The following MYO1D variants were observed in gnomAD, a reference collection of about 807,000 sequenced individuals.
MYO1D encodes the protein myosin ID.
Under a neutral mutation model 122.0 loss-of-function variants are expected in MYO1D, and 83 were observed. That is an observed-to-expected ratio of 0.68 (90% CI 0.57 to 0.82). The LOEUF (loss-of-function observed/expected upper bound fraction) is 0.82. Among genes scored for constraint, MYO1D ranks in the 40% least tolerant of loss-of-function variants. MYO1D has a pLI of 0.00. For synonymous variants in MYO1D, 464 were observed against 446.9 expected, an observed-to-expected ratio of 1.04 and a Z score of -0.48; for missense variants, 1,157 against 1,269.5, an observed-to-expected ratio of 0.91 and a Z score of 1.35.
At chr17:32,547,704 T>G (rs767757692) in intron 21 of MYO1D, among the ~76,000 whole-genome samples, 1 of 152,216 alleles carries the variant, frequency 6.6e-6, no homozygotes, top group Non-Finnish European at 1.5e-5. Context: ...CCTAGCACTT[T>G]GGGAGGCCAA....
At chr17:32,842,697 A>G (rs370966669) in intron 1 of MYO1D, among the ~76,000 whole-genome samples, 3 of 152,208 alleles carry the variant, frequency 2.0e-5, no homozygotes, top group African/African-American at 7.2e-5. Flanking sequence ...ACTCTCATTC[A>G]GAATGTGCTT....
At chr17:32,623,625 C>G (rs2087881751) in intron 20 of MYO1D, among the ~76,000 whole-genome samples, 2 of 152,268 alleles carry the variant, frequency 1.3e-5, no homozygotes, top group South Asian at 4.1e-4. Flanking sequence ...ATTTTTGATA[C>G]AGATACGCGA....
chr17:32,623,120 G>C (rs569272364), intron 20 of MYO1D, among the ~76,000 whole-genome samples: 1 of 152,254 alleles, frequency 6.6e-6, no homozygotes, highest in Non-Finnish European at 1.5e-5. Flanking sequence ...AGGAGCCAAA[G>C]TAGTAGTTCA....
intron 16 of MYO1D, among the ~76,000 whole-genome samples, chr17:32,669,590 T>C (rs1246473518): frequency 6.6e-6 from 1 of 152,210 alleles, no homozygotes; most frequent in African/African-American, 2.4e-5. Flanking sequence ...ATCTGTCTTT[T>C]GTGAGTTAAA....
chr17:32,730,904 C>CTTTTTTT (rs754771399), intron 14 of MYO1D, among the ~76,000 whole-genome samples: 8 of 108,784 alleles, frequency 7.4e-5, no homozygotes, highest in African/African-American at 1.7e-4. Flanking sequence ...TTCCACGTGT[C>CTTTTTTT]TTTTTTTTTT....
rs548183081 is a variant in MYO1D, at chr17:32,530,267, AT to A, written c.2865-35353del. Among the ~76,000 whole-genome samples the A allele has an allele frequency of 1.6e-3, 238 of 152,338 alleles. 1 individual carries two copies. Among genetic ancestry groups the A allele is most frequent in the Non-Finnish European group, 2.8e-3 (188 of 68,034 alleles). ...TCCATCTATAAAATAGGCTTAATAC[AT>A]TTAAAAATGGCTTAGAAGATTTTGA... On this transcript the variant is annotated intron_variant, in intron 21 of 21. Coordinates refer to ENST00000318217, the MANE Select transcript of MYO1D (RefSeq NM_015194.3).
At chr17:32,526,323 AT>A (rs1338083303) in intron 21 of MYO1D, among the ~76,000 whole-genome samples, 1 of 152,122 alleles carries the variant, frequency 6.6e-6, no homozygotes, top group East Asian at 1.9e-4. Context: ...TTTCCCTCCA[AT>A]ATATTTCTTA....
chr17:32,518,977 G>C (rs1377061712), intron 21 of MYO1D: 1 of 152,308 alleles, frequency 6.6e-6, no homozygotes, highest in Non-Finnish European at 1.5e-5. Context: ...TCGCTGCAGG[G>C]AAGGCCGAGC....
chr17:32,507,928 G>A (rs144346006), intron 21 of MYO1D, among the ~76,000 whole-genome samples: 2,018 of 132,560 alleles, frequency 0.015, 49 homozygotes, highest in African/African-American at 0.053. Flanking sequence ...ACGGAGTCTC[G>A]CTCTGTCGCC....
chr17:32,684,766 C>G (rs796910508), intron 16 of MYO1D, among the ~76,000 whole-genome samples: 9 of 152,282 alleles, frequency 5.9e-5, no homozygotes, highest in African/African-American at 1.4e-4. Context: ...GGTTCTACAG[C>G]AGACTAGCAT....
intron 16 of MYO1D, among the ~76,000 whole-genome samples, chr17:32,673,428 G>C (rs1381673175): frequency 6.6e-6 from 1 of 151,994 alleles, no homozygotes; most frequent in Non-Finnish European, 1.5e-5. Flanking sequence ...TTTAATAAGA[G>C]AATGAAATCA....
At chr17:32,830,837 A>T (rs1355890470) in intron 1 of MYO1D, among the ~76,000 whole-genome samples, 1 of 152,218 alleles carries the variant, frequency 6.6e-6, no homozygotes, top group Non-Finnish European at 1.5e-5. Context: ...AGGCGGGCAG[A>T]TCACGAAGTC....
At chr17:32,583,617 T>C (rs892388813) in intron 21 of MYO1D, among the ~76,000 whole-genome samples, 1 of 152,232 alleles carries the variant, frequency 6.6e-6, no homozygotes, top group African/African-American at 2.4e-5. Flanking sequence ...GCTATGTCTT[T>C]AAATTCACCA....
Position 32,618,451 on chromosome 17 carries a change from A to G in MYO1D, c.2710-13210T>C, listed in dbSNP as rs551489137. On this transcript the variant is annotated intron_variant, in intron 20 of 21. Coordinates refer to ENST00000318217, the MANE Select transcript of MYO1D (RefSeq NM_015194.3). ...TAAAACATCTCCATATCAAACTTCAATTTCTTCCCAATATTCCACATCCTG... is the reference window on the plus strand; with the variant it reads ...TAAAACATCTCCATATCAAACTTCAGTTTCTTCCCAATATTCCACATCCTG... Among the ~76,000 whole-genome samples the G allele has an allele frequency of 8.5e-5, 13 of 152,156 alleles. No individual in the cohort carries two copies. The East Asian group carries it at 2.5e-3, about 29-fold the overall frequency.
Position 32,760,218 on chromosome 17 carries a change from C to T in MYO1D, c.1296+72G>A, listed in dbSNP as rs896149164. On this transcript the variant is annotated intron_variant, in intron 10 of 21. Coordinates refer to ENST00000318217, the MANE Select transcript of MYO1D (RefSeq NM_015194.3). ...AATACCCCCAAAAGATCAAGAAATA[C>T]CTAAAATAAAATTTGACATTATCAA... The T allele has an allele frequency of 2.4e-6, 3 of 1,261,988 alleles. No individual in the cohort carries two copies. In the African/African-American group the frequency reaches 4.5e-5, roughly 19 times the overall value. The allele number at this position is 1,261,988 out of a possible 1,614,324, so 78.2% of individuals were successfully genotyped here.
At chr17:32,831,854 TG>T (rs2090773780) in intron 1 of MYO1D, among the ~76,000 whole-genome samples, 1 of 152,226 alleles carries the variant, frequency 6.6e-6, no homozygotes, top group Non-Finnish European at 1.5e-5. Flanking sequence ...TTGAATGGCC[TG>T]ATCAGGTAAC....
chr17:32,778,698 T>G (rs2090205344), intron 2 of MYO1D, 125 bp from the exon 3 acceptor site: 1 of 912,498 alleles, frequency 1.1e-6, no homozygotes, highest in Non-Finnish European at 1.7e-6. Flanking sequence ...TTGCACTGTT[T>G]CATTTTTTTG....
At chr17:32,817,058 TA>T (rs1418261297) in intron 1 of MYO1D, among the ~76,000 whole-genome samples, 1 of 152,176 alleles carries the variant, frequency 6.6e-6, no homozygotes, top group African/African-American at 2.4e-5. Context: ...ATAAATAAAA[TA>T]AAAATAGTAA....
chr17:32,711,811 A>G (rs1248098352), intron 16 of MYO1D, among the ~76,000 whole-genome samples, 177 bp downstream of exon 16: 2 of 152,228 alleles, frequency 1.3e-5, no homozygotes. Context: ...ATAATTTTGA[A>G]CTGGGGCAAC....
Sources: gnomAD v4.1 joint callset for allele counts (sites outside exome capture counted in the v4.1 genomes callset) on GRCh38, gnomAD v4.1.1 for gene constraint, MANE v1.5 for transcripts, NCBI Gene and HGNC (gene_info 2026-07-23, HGNC 2026-07-21) for gene names.